AKR1E2: variants seen among roughly 807,000 people sequenced by gnomAD.
AKR1E2 encodes aldo-keto reductase family 1 member E2.
A neutral mutation model predicts 41.9 loss-of-function variants in AKR1E2; 43 were observed. That is an observed-to-expected ratio of 1.03 (90% CI 0.80 to 1.32). AKR1E2 has a LOEUF of 1.32. Among genes scored for constraint, AKR1E2 ranks in the 40% most tolerant of loss-of-function variants. The pLI is 0.00. For synonymous variants in AKR1E2, 121 were observed against 138.9 expected, an observed-to-expected ratio of 0.87 and a Z score of 0.91; for missense variants, 423 against 396.5, an observed-to-expected ratio of 1.07 and a Z score of -0.57.
In AKR1E2 at chr10:4,842,329, C is replaced by T. The variant is rs1457652140; in HGVS notation, c.754-92C>T. On this transcript the variant is annotated intron_variant, in intron 7 of 9. Transcript: ENST00000298375. ...AGCTGCTGTCATTGATTCTTGGACT[C>T]TTACTGCATGATAAAACTCACATGT... 9 of 1,122,568 alleles carry T rather than the reference C, an allele frequency of 8.0e-6. No individual in the cohort carries two copies. The African/African-American group carries it at 1.4e-4, about 17-fold the overall frequency. The allele number at this position is 1,122,568 out of a possible 1,614,324, so 69.5% of individuals were successfully genotyped here.
chr10:4,827,524 C>T (rs910677005), intron 1 of AKR1E2, among the ~76,000 whole-genome samples: 1 of 152,192 alleles, frequency 6.6e-6, no homozygotes, highest in South Asian at 2.1e-4. Flanking sequence ...TATTCTACGA[C>T]CTTTCTCTGC....
the AKR1E2 span, among the ~76,000 whole-genome samples, chr10:4,866,023 A>G: frequency 6.6e-6 from 1 of 152,220 alleles, no homozygotes. Flanking sequence ...ACTGTTTTGT[A>G]ACTAGCAGTA....
At chr10:4,845,696 C>A in intron 8 of AKR1E2, 1 of 470,268 alleles carries the variant, frequency 2.1e-6, no homozygotes, top group Non-Finnish European at 4.4e-6. Flanking sequence ...GCTCTCAATG[C>A]CCGGGATCCC....
chr10:4,825,302 G>A (rs1160439854), upstream of AKR1E2, among the ~76,000 whole-genome samples: 1 of 152,168 alleles, frequency 6.6e-6, no homozygotes, highest in African/African-American at 2.4e-5. Flanking sequence ...CTGGGTGTGG[G>A]TGTCCTCAAG....
intron 6 of AKR1E2, 98 bp downstream of exon 6, chr10:4,839,924 G>C: frequency 8.8e-7 from 1 of 1,132,138 alleles, no homozygotes. Context: ...CTTAATGGAG[G>C]TTTTGACAGG....
intron 1 of AKR1E2, among the ~76,000 whole-genome samples, chr10:4,829,901 TG>T (rs1277833228): frequency 2.2e-4 from 34 of 152,318 alleles, no homozygotes; most frequent in African/African-American, 7.9e-4. Flanking sequence ...ATTTTATTGA[TG>T]TTATTCTTAA....
At position 4,830,854 on chromosome 10, in the gene AKR1E2, CTA is replaced by C. The variant is rs774608288; in HGVS notation, c.207+14_207+15del. 1 of 1,613,734 alleles carries C rather than the reference CTA, an allele frequency of 6.2e-7. No homozygotes were observed. On this transcript the variant is annotated intron_variant, in intron 2 of 9. Coordinates refer to ENST00000298375, the MANE Select transcript of AKR1E2 (RefSeq NM_001040177.3). ...TCATTGCCACTAAGGTAGGGCTTCT[CTA>C]TGCAAGGCTGGCAGAGCTTGGGTAA...
At chr10:4,825,980 G>T (rs979997008), upstream of AKR1E2, among the ~76,000 whole-genome samples, 2 of 152,226 alleles carry the variant, frequency 1.3e-5, no homozygotes, top group Non-Finnish European at 2.9e-5. Flanking sequence ...CTGCTCCTGC[G>T]TGGCTCTGCA....
At chr10:4,850,338 C>T (rs1834498863), downstream of AKR1E2, among the ~76,000 whole-genome samples, 3 of 152,080 alleles carry the variant, frequency 2.0e-5, no homozygotes, top group South Asian at 6.2e-4. Flanking sequence ...TTGGCACTTT[C>T]GTATTTTATT....
chr10:4,851,904 C>T (rs1564282427), downstream of AKR1E2, among the ~76,000 whole-genome samples: 2 of 152,100 alleles, frequency 1.3e-5, no homozygotes, highest in African/African-American at 4.8e-5. Context: ...GAGGGTGAGA[C>T]TTTTGGTGTT....
intron 2 of AKR1E2, among the ~76,000 whole-genome samples, chr10:4,831,748 G>A (rs1202169847): frequency 6.6e-6 from 1 of 152,208 alleles, no homozygotes; most frequent in Non-Finnish European, 1.5e-5. Flanking sequence ...GCTGAGTGGT[G>A]GATAGGCTAA....
At chr10:4,853,695 C>T in the AKR1E2 span, among the ~76,000 whole-genome samples, 1 of 149,460 alleles carries the variant, frequency 6.7e-6, no homozygotes, top group African/African-American at 2.5e-5. Flanking sequence ...GCATTTAAAT[C>T]AGAGCAACTC....
At chr10:4,872,154 A>T in the AKR1E2 span, among the ~76,000 whole-genome samples, 1 of 152,234 alleles carries the variant, frequency 6.6e-6, no homozygotes, top group African/African-American at 2.4e-5. Flanking sequence ...ATTCACAAAT[A>T]TACCAGTGCA....
Position 4,837,475 on chromosome 10 carries a change from T to C in AKR1E2, c.476T>C (p.Val159Ala), listed in dbSNP as rs1187751617. Residue 159 changes from valine to alanine, a missense_variant, in exon 5 of 10, where the codon GTG becomes GCG. Physicochemically the swap from Val to Ala is moderately conservative, Grantham distance 64 (BLOSUM62 0). Transcript: ENST00000298375. ...LDTWEAMEDL[V>A]ITGLVKNIGV... ...CTCTTATAGGCCATGGAGGACCTGG[T>C]GATCACCGGGCTGGTGAAGAACATC... is the stretch of plus-strand genomic sequence containing the variant. 3.1e-6 allele frequency: 5 copies of C among 1,613,912 alleles called. No homozygotes were observed. In the South Asian group the frequency reaches 5.5e-5, roughly 18 times the overall value.
chr10:4,838,261 C>T (rs1833594915), intron 5 of AKR1E2, among the ~76,000 whole-genome samples: 1 of 152,224 alleles, frequency 6.6e-6, no homozygotes, highest in Non-Finnish European at 1.5e-5. Context: ...TTCCCAGCAG[C>T]TGGGATTCAC....
At chr10:4,844,399 T>C (rs1834136449) in intron 8 of AKR1E2, among the ~76,000 whole-genome samples, 1 of 152,200 alleles carries the variant, frequency 6.6e-6, no homozygotes, top group South Asian at 2.1e-4. Flanking sequence ...GCAAGATCTA[T>C]TGCAAAGACC....
intron 8 of AKR1E2, among the ~76,000 whole-genome samples, chr10:4,844,839 C>T (rs1433586620): frequency 6.6e-6 from 1 of 152,084 alleles, no homozygotes; most frequent in Non-Finnish European, 1.5e-5. Context: ...CAGTCAGGAG[C>T]CTAGCTGGCT....
At chr10:4,839,878 C>T in intron 6 of AKR1E2, 52 bp downstream of exon 6, 3 of 1,492,486 alleles carry the variant, frequency 2.0e-6, no homozygotes, top group Non-Finnish European at 2.8e-6. Flanking sequence ...GAAGTAGATG[C>T]CACCTTCTCA....
intron 3 of AKR1E2, 73 bp from the exon 4 acceptor site, chr10:4,835,602 G>C: frequency 3.9e-6 from 6 of 1,526,338 alleles, no homozygotes; most frequent in Non-Finnish European, 5.3e-6. Flanking sequence ...CTTGGATGCA[G>C]GTCTCCTGAC....
Sources: allele counts gnomAD v4.1 joint callset (sites outside exome capture counted in the v4.1 genomes callset), GRCh38; gene constraint gnomAD v4.1.1; transcripts MANE v1.5; gene names NCBI Gene and HGNC (gene_info 2026-07-23, HGNC 2026-07-21).